PGP: variants seen among roughly 807,000 people sequenced by gnomAD.
The protein encoded by PGP is aspartate-based ubiquitous Mg(2+)-dependent phosphatase.
In PGP, 9 loss-of-function variants were observed where a neutral mutation model predicts 19.3. The observed-to-expected ratio is 0.47, with a 90% confidence interval of 0.28 to 0.81. The LOEUF (loss-of-function observed/expected upper bound fraction) is 0.81, where lower values mean the gene tolerates loss of function less well. Among genes scored for constraint, PGP ranks in the 40% least tolerant of loss-of-function variants. The pLI is 0.11. For missense variants in PGP, 403 were observed against 479.9 expected (o/e 0.84, Z 1.50); for synonymous variants, 308 against 226.8 (o/e 1.36, Z -3.22).
At position 2,212,619 on chromosome 16, in the gene PGP, G is replaced by T. The variant is rs1261449362; in HGVS notation, c.*1109C>A. The T allele has an allele frequency of 1.0e-6, 1 of 985,394 alleles. No individual in the cohort carries two copies. The highest frequency in any genetic ancestry group is 1.2e-6 in the Non-Finnish European group (1 of 829,960). The allele number at this position is 985,394 out of a possible 1,614,324, so 61.0% of individuals were successfully genotyped here. On this transcript the variant is annotated 3_prime_UTR_variant, in exon 2 of 2. Coordinates refer to ENST00000333503, the MANE Select transcript of PGP (RefSeq NM_001042371.3). ...AACCCCTACCCCAGCCTAGGGAAGG[G>T]GAGGACAGGAAGAGACTGGATGCTT... is the stretch of plus-strand genomic sequence containing the variant.
Position 2,212,999 on chromosome 16 carries a change from C to T in PGP, c.*729G>A, listed in dbSNP as rs2093379205. On this transcript the variant is annotated 3_prime_UTR_variant, in exon 2 of 2. Transcript: ENST00000333503. The stretch of plus-strand genomic sequence containing the variant: ...GAAGGCGTCCACGCCATGGTAGCTG[C>T]TCCGTCCAAATCACCTGGGTATAAA... The T allele has an allele frequency of 1.0e-6, 1 of 985,536 alleles. No individual in the cohort carries two copies. The highest frequency in any genetic ancestry group is 1.2e-6 in the Non-Finnish European group (1 of 829,956). The allele number at this position is 985,536 out of a possible 1,614,324, so 61.0% of individuals were successfully genotyped here. A position where few individuals can be genotyped will look rare whatever the true frequency, so the allele number is the denominator to read the frequency against.
chr16:2,213,510 T>A lies in PGP; in HGVS notation c.*218A>T. The stretch of plus-strand genomic sequence containing the variant: ...GGCCCAGAACCCAGCCCACAACGCC[T>A]TCCAAGCCTAAAAGTGCATCTTCGA... On this transcript the variant is annotated 3_prime_UTR_variant, in exon 2 of 2. Coordinates refer to ENST00000333503, the MANE Select transcript of PGP (RefSeq NM_001042371.3). 1 of 654,472 alleles carries A rather than the reference T, an allele frequency of 1.5e-6. No homozygotes were observed. Among genetic ancestry groups the A allele is most frequent in the East Asian group, 3.7e-5 (1 of 26,782 alleles). 40.5% of individuals were successfully genotyped at this position (654,472 alleles called of 1,614,324 possible).
rs1027463293 is a variant in PGP at position 2,212,192 on chromosome 16, G to T, written c.*1536C>A. 3 of 985,676 alleles carry T rather than the reference G, an allele frequency of 3.0e-6. No individual in the cohort carries two copies. Among genetic ancestry groups the T allele is most frequent in the Non-Finnish European group, 3.6e-6 (3 of 830,018 alleles). 61.1% of individuals were successfully genotyped at this position (985,676 alleles called of 1,614,324 possible). ...CTTGAGCCAACTTAGCCAAGCCAGC[G>T]TCAGTGTCACCAGCCTCATGGGTGG... On this transcript the variant is annotated 3_prime_UTR_variant, in exon 2 of 2. Coordinates refer to ENST00000333503, the MANE Select transcript of PGP (RefSeq NM_001042371.3).
In PGP at chr16:2,212,582, C is replaced by G. The variant is rs2093378200; in HGVS notation, c.*1146G>C. 1.0e-6 allele frequency: 1 copy of G among 985,490 alleles called. No homozygotes were observed. The allele number at this position is 985,490 out of a possible 1,614,324, so 61.0% of individuals were successfully genotyped here. Reference sequence around the variant, plus strand: ...AGGGCAAGGCAGGTGACCTCCTGGGCCACCAGTCTCTAACCCCTACCCCAG... The same window carrying G: ...AGGGCAAGGCAGGTGACCTCCTGGGGCACCAGTCTCTAACCCCTACCCCAG... On this transcript the variant is annotated 3_prime_UTR_variant, in exon 2 of 2. Transcript: ENST00000333503.
chr16:2,213,736 G>C lies in PGP; in HGVS notation c.958C>G (p.Gln320Glu), dbSNP rs2093381185. The change falls in exon 2 of 2, where the codon CAA becomes GAA. Residue 320 changes from glutamine to glutamate, a missense_variant. Gln to Glu is a conservative substitution (Grantham distance 29). Coordinates refer to ENST00000333503, the MANE Select transcript of PGP (RefSeq NM_001042371.3). ...DSIADLLPAL[Q>E]G Reference sequence around the variant, plus strand: ...TTAAAGACACTCAATCTTTAACCTTGAAGGGCAGGCAAAAGGTCGGCTATG... The same window carrying C: ...TTAAAGACACTCAATCTTTAACCTTCAAGGGCAGGCAAAAGGTCGGCTATG... 5 of 1,530,424 alleles carry C rather than the reference G, an allele frequency of 3.3e-6. No individual in the cohort carries two copies. In the African/African-American group the frequency reaches 5.6e-5, roughly 17 times the overall value. 94.8% of individuals were successfully genotyped at this position (1,530,424 alleles called of 1,614,324 possible).
rs941342335 is a variant in PGP, at chr16:2,211,946, C to A, written c.*1782G>T. ...TTGAGTCCTCCCACCCGTGGTGAGA[C>A]GGCATCACCCGGGCCAATGCAAGGT... On this transcript the variant is annotated 3_prime_UTR_variant, in exon 2 of 2. Coordinates refer to ENST00000333503, the MANE Select transcript of PGP (RefSeq NM_001042371.3). 4.1e-5 allele frequency: 40 copies of A among 985,450 alleles called. 1 individual carries two copies. In the South Asian group the frequency reaches 1.8e-3, roughly 45 times the overall value. 61.0% of individuals were successfully genotyped at this position (985,450 alleles called of 1,614,324 possible). A position where few individuals can be genotyped will look rare whatever the true frequency, so the allele number is the denominator to read the frequency against.
chr16:2,212,403 G>GTGCAGCA lies in PGP; in HGVS notation c.*1318_*1324dup. The stretch of plus-strand genomic sequence containing the variant: ...GCGCTGGTAGGGAGCCAGCCAGAAG[G>GTGCAGCA]TGCAGCATCCCGGGATGGCCCTGCT... On this transcript the variant is annotated 3_prime_UTR_variant, in exon 2 of 2. Coordinates refer to ENST00000333503, the MANE Select transcript of PGP (RefSeq NM_001042371.3). The GTGCAGCA allele has an allele frequency of 1.0e-6, 1 of 985,942 alleles. No individual in the cohort carries two copies. The highest frequency in any genetic ancestry group is 1.2e-6 in the Non-Finnish European group (1 of 830,158). 61.1% of individuals were successfully genotyped at this position (985,942 alleles called of 1,614,324 possible).
In PGP at chr16:2,214,544, G is replaced by A. The variant is rs2093383160; in HGVS notation, c.234C>T (p.Ala78=). The A allele has an allele frequency of 6.2e-6, 9 of 1,456,980 alleles. No individual in the cohort carries two copies. Among genetic ancestry groups the A allele is most frequent in the Middle Eastern group, 2.0e-4 (1 of 5,000 alleles). The allele number at this position is 1,456,980 out of a possible 1,614,324, so 90.3% of individuals were successfully genotyped here. ...CGAAGCCCAGGCGCCGCAGCTTCTC[G>A]GCGTAGGCAGCGCGGGTCTTGCTGC... ...NNSSKTRAAY[A]EKLRRLGFGG... is the part of the protein sequence containing the mutation. Residue 78 remains alanine (A), a synonymous_variant, in exon 1 of 2, where the codon GCC becomes GCT. Transcript: ENST00000333503. The surrounding 1 kb of genome is among the most constrained non-coding windows in gnomAD (Gnocchi z 7.1).
Position 2,213,692 on chromosome 16 carries a change from T to TC in PGP, c.*35_*36insG. The TC allele has an allele frequency of 7.2e-7, 1 of 1,397,314 alleles. No homozygotes were observed. Among genetic ancestry groups the TC allele is most frequent in the Non-Finnish European group, 9.5e-7 (1 of 1,053,554 alleles). The allele number at this position is 1,397,314 out of a possible 1,614,324, so 86.6% of individuals were successfully genotyped here. On this transcript the variant is annotated 3_prime_UTR_variant, in exon 2 of 2. Transcript: ENST00000333503. ...ATTTGGGTAACTGGTTTTCAATTTC[T>TC]TTTTTTTTATTCTGCAGATTAAAGA...
chr16:2,212,861 C>T lies in PGP; in HGVS notation c.*867G>A, dbSNP rs1164513047. 2.0e-6 allele frequency: 2 copies of T among 985,508 alleles called. No homozygotes were observed. The highest frequency in any genetic ancestry group is 2.4e-6 in the Non-Finnish European group (2 of 829,956). 61.0% of individuals were successfully genotyped at this position (985,508 alleles called of 1,614,324 possible). A position where few individuals can be genotyped will look rare whatever the true frequency, so the allele number is the denominator to read the frequency against. ...GTGGAATTTTGCCTACGACACAGAG[C>T]ACAGCTATTAATACACTTAAAATTC... On this transcript the variant is annotated 3_prime_UTR_variant, in exon 2 of 2. Transcript: ENST00000333503.
In PGP at chr16:2,213,680, G is replaced by A. The variant is rs763867627; in HGVS notation, c.*48C>T. On this transcript the variant is annotated 3_prime_UTR_variant, in exon 2 of 2. Coordinates refer to ENST00000333503, the MANE Select transcript of PGP (RefSeq NM_001042371.3). Reference sequence around the variant, plus strand: ...CCCCACCTATTAATTTGGGTAACTGGTTTTCAATTTCTTTTTTTTTATTCT... The same window carrying A: ...CCCCACCTATTAATTTGGGTAACTGATTTTCAATTTCTTTTTTTTTATTCT... 3.4e-6 allele frequency: 5 copies of A among 1,471,958 alleles called. No individual in the cohort carries two copies. The highest frequency in any genetic ancestry group is 1.8e-4 in the Middle Eastern group (1 of 5,496). 91.2% of individuals were successfully genotyped at this position (1,471,958 alleles called of 1,614,324 possible).
Position 2,214,001 on chromosome 16 carries a change from G to C in PGP, c.693C>G (p.Asp231Glu), listed in dbSNP as rs1272116675. Residue 231 changes from aspartate to glutamate, a missense_variant, in exon 2 of 2, where the codon GAC becomes GAG. Coordinates refer to ENST00000333503, the MANE Select transcript of PGP (RefSeq NM_001042371.3). This position sits in a 1 kb window ranked among gnomAD's most constrained non-coding sequence, Gnocchi z 7.1. ...AVEMAAQRQA[D>E]IIGKPSRFIF... is the part of the protein sequence containing the mutation. ...TGAAGCGGCTGGGCTTCCCGATGATGTCGGCCTGGCGCTGGGCGGCCATCT... is the reference window on the plus strand; with the variant it reads ...TGAAGCGGCTGGGCTTCCCGATGATCTCGGCCTGGCGCTGGGCGGCCATCT... 1 of 1,606,922 alleles carries C rather than the reference G, an allele frequency of 6.2e-7. No individual in the cohort carries two copies. The highest frequency in any genetic ancestry group is 2.2e-5 in the East Asian group (1 of 44,720).
At position 2,212,190 on chromosome 16, in the gene PGP, G is replaced by A. The variant is rs567066501; in HGVS notation, c.*1538C>T. ...GGCTTGAGCCAACTTAGCCAAGCCA[G>A]CGTCAGTGTCACCAGCCTCATGGGT... On this transcript the variant is annotated 3_prime_UTR_variant, in exon 2 of 2. Coordinates refer to ENST00000333503, the MANE Select transcript of PGP (RefSeq NM_001042371.3). 4.1e-6 allele frequency: 4 copies of A among 985,778 alleles called. No individual in the cohort carries two copies. Among genetic ancestry groups the A allele is most frequent in the East Asian group, 1.1e-4 (1 of 8,822 alleles). 61.1% of individuals were successfully genotyped at this position (985,778 alleles called of 1,614,324 possible). A position where few individuals can be genotyped will look rare whatever the true frequency, so the allele number is the denominator to read the frequency against.
In PGP at chr16:2,212,092, G is replaced by A. The variant is rs160546; in HGVS notation, c.*1636C>T. On this transcript the variant is annotated 3_prime_UTR_variant, in exon 2 of 2. Coordinates refer to ENST00000333503, the MANE Select transcript of PGP (RefSeq NM_001042371.3). Reference sequence around the variant, plus strand: ...GCACGGGGACTCCCAGCCCCTACCCGGCAAGAGAGGCATCACTGAGGCTGC... The same window carrying A: ...GCACGGGGACTCCCAGCCCCTACCCAGCAAGAGAGGCATCACTGAGGCTGC... The A allele has an allele frequency of 0.031, 30,696 of 985,510 alleles. 532 individuals carry two copies. The highest frequency in any genetic ancestry group is 0.034 in the Non-Finnish European group (28,210 of 829,938). The allele number at this position is 985,510 out of a possible 1,614,324, so 61.0% of individuals were successfully genotyped here. A position where few individuals can be genotyped will look rare whatever the true frequency, so the allele number is the denominator to read the frequency against.
rs1567286934 is a variant in PGP at position 2,211,875 on chromosome 16, G to A, written c.*1853C>T. On this transcript the variant is annotated 3_prime_UTR_variant, in exon 2 of 2. Coordinates refer to ENST00000333503, the MANE Select transcript of PGP (RefSeq NM_001042371.3). ...CTCTGAACCAGGCTGGGAGTGGGCA[G>A]TTGGCATTCCAGCTCTGGAGTTGGA... 1 of 985,556 alleles carries A rather than the reference G, an allele frequency of 1.0e-6. No individual in the cohort carries two copies. The highest frequency in any genetic ancestry group is 1.2e-6 in the Non-Finnish European group (1 of 829,986). The allele number at this position is 985,556 out of a possible 1,614,324, so 61.1% of individuals were successfully genotyped here. A position where few individuals can be genotyped will look rare whatever the true frequency, so the allele number is the denominator to read the frequency against.
rs2093378342 is a variant in PGP, at chr16:2,212,660, G to A, written c.*1068C>T. ...CTGGATGCTTTGTAAAGGACTTCCTGTTCTTGGGGACATAACTCTCGTCCC... is the reference window on the plus strand; with the variant it reads ...CTGGATGCTTTGTAAAGGACTTCCTATTCTTGGGGACATAACTCTCGTCCC... On this transcript the variant is annotated 3_prime_UTR_variant, in exon 2 of 2. Coordinates refer to ENST00000333503, the MANE Select transcript of PGP (RefSeq NM_001042371.3). 1.0e-6 allele frequency: 1 copy of A among 985,380 alleles called. No homozygotes were observed. Among genetic ancestry groups the A allele is most frequent in the Admixed American group, 6.1e-5 (1 of 16,276 alleles). The allele number at this position is 985,380 out of a possible 1,614,324, so 61.0% of individuals were successfully genotyped here.
Position 2,214,127 on chromosome 16 carries a change from G to C in PGP, c.640+11C>G. ...CCCGCCCCCCAGCCTCCCGCCCCAG[G>C]GCGCACGGACCCGCGATGAAGCGGC... On this transcript the variant is annotated intron_variant, in intron 1 of 1. Transcript: ENST00000333503. The surrounding 1 kb of genome is among the most constrained non-coding windows in gnomAD (Gnocchi z 7.1). The C allele has an allele frequency of 8.1e-7, 1 of 1,232,986 alleles. No homozygotes were observed. The highest frequency in any genetic ancestry group is 1.1e-6 in the Non-Finnish European group (1 of 935,786). The allele number at this position is 1,232,986 out of a possible 1,614,324, so 76.4% of individuals were successfully genotyped here.
chr16:2,214,605 G>C lies in PGP; in HGVS notation c.173C>G (p.Ala58Gly), dbSNP rs772338663. 2.1e-6 allele frequency: 3 copies of C among 1,461,576 alleles called. No individual in the cohort carries two copies. The East Asian group carries it at 9.0e-5, about 44-fold the overall frequency. 90.5% of individuals were successfully genotyped at this position (1,461,576 alleles called of 1,614,324 possible). A position where few individuals can be genotyped will look rare whatever the true frequency, so the allele number is the denominator to read the frequency against. Residue 58 changes from alanine (A) to glycine (G), a missense_variant, in exon 1 of 2, where the codon GCC (alanine) becomes GGC (glycine). Transcript: ENST00000333503. This position sits in a 1 kb window ranked among gnomAD's most constrained non-coding sequence, Gnocchi z 7.1. ...GATGAAGCCCAGGCGCTTGCCGCGG[G>C]CTCGCAGCGCCCGCAGGGCCTCGGG... ...GAPEALRALR[A>G]RGKRLGFITN...
In PGP at chr16:2,213,450, C is replaced by G. The variant is rs969320583; in HGVS notation, c.*278G>C. ...AGGCCCTGGTTACCTGAATCCCGGA[C>G]AGGTGCAGAGCCTGCCCCTGCCAAC... On this transcript the variant is annotated 3_prime_UTR_variant, in exon 2 of 2. Transcript: ENST00000333503. The G allele has an allele frequency of 1.2e-6, 1 of 835,962 alleles. No homozygotes were observed. The highest frequency in any genetic ancestry group is 1.5e-6 in the Non-Finnish European group (1 of 650,792). 51.8% of individuals were successfully genotyped at this position (835,962 alleles called of 1,614,324 possible).
Sources: allele counts gnomAD v4.1 joint callset, GRCh38; gene constraint gnomAD v4.1.1; non-coding constraint Gnocchi (gnomAD v3.1); transcripts MANE v1.5; gene names NCBI Gene and HGNC (gene_info 2026-07-23, HGNC 2026-07-21).